The following NTRK3 variants were observed in gnomAD, a reference collection of about 807,000 sequenced individuals.
NTRK3 encodes neurotrophic receptor tyrosine kinase 3, also known as NT-3 growth factor receptor.
NTRK3 carries 24 observed loss-of-function variants against 91.7 expected under a neutral mutation model. The ratio of observed to expected loss-of-function variants is 0.26; its 90% CI spans 0.19 to 0.37. The LOEUF (loss-of-function observed/expected upper bound fraction) is 0.37. NTRK3 is among the 10% of genes least tolerant of loss of function. The pLI is 1.00. For missense variants in NTRK3, 880 were observed against 1,068.9 expected (o/e 0.82, Z 2.46); for synonymous variants, 483 against 404.0 (o/e 1.20, Z -2.34).
chr15:88,026,321 A>T (rs2078035441), intron 14 of NTRK3, among the ~76,000 whole-genome samples: 1 of 152,314 alleles, frequency 6.6e-6, no homozygotes, highest in South Asian at 2.1e-4. Context: ...TAAATGAGCG[A>T]TCAAGCCAGG....
chr15:88,231,634 A>C (rs1454961682), intron 3 of NTRK3, among the ~76,000 whole-genome samples: 2 of 152,072 alleles, frequency 1.3e-5, no homozygotes, highest in South Asian at 2.1e-4. Context: ...ATCCATCAAC[A>C]CCAGTGTAAG....
At chr15:87,912,931 AATATATATATATATATATATATATAT>A (rs58367924) in intron 17 of NTRK3, among the ~76,000 whole-genome samples, 24 of 36,500 alleles carry the variant, frequency 6.6e-4, no homozygotes, top group Middle Eastern at 0.042. Flanking sequence ...AGTAAAAAAA[AATATATATATATATATATATATATAT>A]ATATATATAT....
At chr15:87,940,880 C>T (rs1264017712) in intron 14 of NTRK3, 127 bp from the exon 15 acceptor site, 1 of 1,230,598 alleles carries the variant, frequency 8.1e-7, no homozygotes, top group African/African-American at 1.5e-5. Context: ...AAGGCAAACT[C>T]TAGCACACCA....
rs113872966 is a variant in NTRK3 at position 87,991,294 on chromosome 15, T to C, written c.1585+41563A>G. Among the ~76,000 whole-genome samples the C allele has an allele frequency of 1.1e-3, 174 of 152,290 alleles. 1 individual carries two copies. The highest frequency in any genetic ancestry group is 8.3e-3 in the South Asian group (40 of 4,828). ...TGACAGCAACAGGATCACCAGGAGT[T>C]TGTCAGAAATGCAGCATCTCAGGCT... On this transcript the variant is annotated intron_variant, in intron 14 of 18. Transcript: ENST00000394480.
At chr15:88,015,097 G>A (rs2077136037) in intron 14 of NTRK3, among the ~76,000 whole-genome samples, 1 of 152,156 alleles carries the variant, frequency 6.6e-6, no homozygotes, top group African/African-American at 2.4e-5. Context: ...TTCTGGAACA[G>A]GGGTCTCTCT....
intron 15 of NTRK3, among the ~76,000 whole-genome samples, chr15:87,935,140 G>A (rs1046617832): frequency 6.6e-6 from 1 of 152,126 alleles, no homozygotes; most frequent in Non-Finnish European, 1.5e-5. Flanking sequence ...TAATTTATGG[G>A]ATAAATTAGT....
At chr15:87,936,690 G>A (rs973873385) in intron 15 of NTRK3, among the ~76,000 whole-genome samples, 6 of 151,692 alleles carry the variant, frequency 4.0e-5, no homozygotes, top group African/African-American at 1.2e-4. Flanking sequence ...ACACACGCAC[G>A]CACACATGCA....
At chr15:87,948,689 AAAAT>A (rs1293976263) in intron 14 of NTRK3, among the ~76,000 whole-genome samples, 1 of 152,220 alleles carries the variant, frequency 6.6e-6, no homozygotes, top group African/African-American at 2.4e-5. Context: ...CTCTGTCTCA[AAAAT>A]AAATAAATAA....
At chr15:88,033,215 T>TATATATATATATATATAA (rs1491311337) in intron 13 of NTRK3, among the ~76,000 whole-genome samples, 170 bp from the exon 14 acceptor site, 1 of 126,742 alleles carries the variant, frequency 7.9e-6, no homozygotes, top group South Asian at 2.7e-4. Flanking sequence ...TATATATATA[T>TATATATATATATATATAA]AAATTCAGTT....
At chr15:87,966,074 TCAAA>T (rs3028147) in intron 14 of NTRK3, among the ~76,000 whole-genome samples, 29,483 of 148,436 alleles carry the variant, frequency 0.2, 2,971 homozygotes, top group African/African-American at 0.27. Flanking sequence ...CAAAACTGTC[TCAAA>T]CAAACAAACA....
intron 15 of NTRK3, among the ~76,000 whole-genome samples, chr15:87,935,530 T>C (rs2069192536): frequency 6.6e-6 from 1 of 152,048 alleles, no homozygotes; most frequent in South Asian, 2.1e-4. Flanking sequence ...GGGTCATGGG[T>C]ATTGAATGAT....
intron 14 of NTRK3, among the ~76,000 whole-genome samples, chr15:87,954,488 G>T (rs1265753539): frequency 6.6e-6 from 1 of 152,100 alleles, no homozygotes; most frequent in Non-Finnish European, 1.5e-5. Flanking sequence ...AAACATATAT[G>T]AATCTCCGAT....
At chr15:88,078,180 C>T (rs1440471373) in intron 13 of NTRK3, among the ~76,000 whole-genome samples, 12 of 152,186 alleles carry the variant, frequency 7.9e-5, no homozygotes, top group Non-Finnish European at 1.8e-4. Context: ...TCAGCTCTGT[C>T]CTCTTAGCAT....
intron 13 of NTRK3, among the ~76,000 whole-genome samples, chr15:88,079,184 G>A (rs778970997): frequency 9.2e-5 from 14 of 152,328 alleles, no homozygotes; most frequent in Non-Finnish European, 1.6e-4. Flanking sequence ...GCTGGGAAAT[G>A]GTTAGACTCG....
At chr15:87,954,952 G>A (rs762337130) in intron 14 of NTRK3, among the ~76,000 whole-genome samples, 16 of 152,178 alleles carry the variant, frequency 1.1e-4, no homozygotes, top group Non-Finnish European at 1.8e-4. Flanking sequence ...GTGTGGTAAG[G>A]AGGAGTGTGA....
At chr15:87,868,104 G>A (rs2064736202) in exon 19 of NTRK3, 1 of 231,768 alleles carries the variant, frequency 4.3e-6, no homozygotes, top group Non-Finnish European at 8.5e-6. Flanking sequence ...AAGATCAACG[G>A]AAGCGACACA....
At chr15:88,216,560 G>C (rs905239358) in intron 3 of NTRK3, among the ~76,000 whole-genome samples, 1 of 152,188 alleles carries the variant, frequency 6.6e-6, no homozygotes, top group Non-Finnish European at 1.5e-5. Flanking sequence ...TTTTGGCAAA[G>C]GGCACACAGG....
intron 13 of NTRK3, among the ~76,000 whole-genome samples, chr15:88,051,385 C>T (rs1053494082): frequency 6.6e-6 from 1 of 152,196 alleles, no homozygotes; most frequent in Admixed American, 6.5e-5. Flanking sequence ...CCTATTGCCT[C>T]TCTGTCTCTC....
chr15:87,910,767 G>A (rs777978844), intron 17 of NTRK3, among the ~76,000 whole-genome samples: 6 of 152,222 alleles, frequency 3.9e-5, no homozygotes, highest in Non-Finnish European at 7.3e-5. Context: ...AAGCATAACT[G>A]AGGCATTCAA....
Sources: allele counts gnomAD v4.1 joint callset (sites outside exome capture counted in the v4.1 genomes callset), GRCh38; gene constraint gnomAD v4.1.1; transcripts MANE v1.5; gene names NCBI Gene and HGNC (gene_info 2026-07-23, HGNC 2026-07-21).